Variants in PALS1 observed in about 807,000 individuals in gnomAD.
PALS1 encodes protein PALS1.
A neutral mutation model predicts 78.9 loss-of-function variants in PALS1; 31 were observed. That is an observed-to-expected ratio of 0.39 (90% CI 0.30 to 0.53). PALS1 has a LOEUF of 0.53. PALS1 is among the 20% of genes least tolerant of loss of function. The pLI, the probability that PALS1 is intolerant of heterozygous loss-of-function variation, is 0.67. For synonymous variants in PALS1, 276 were observed against 270.9 expected (o/e 1.02, Z -0.18); for missense variants, 704 against 826.5 (o/e 0.85, Z 1.82).
chr14:67,301,936 CTGT>C, intron 5 of PALS1, 33 bp from the exon 6 acceptor site: 1 of 1,569,468 alleles, frequency 6.4e-7, no homozygotes, highest in Non-Finnish European at 8.6e-7. Flanking sequence ...ATAAATCATG[CTGT>C]TACTTAAAAT....
intron 1 of PALS1, among the ~76,000 whole-genome samples, chr14:67,248,937 G>T (rs1039503449): frequency 1.3e-4 from 19 of 151,984 alleles, no homozygotes; most frequent in African/African-American, 4.6e-4. Flanking sequence ...TGGGATTACA[G>T]GCATGAGCCA....
chr14:67,329,858 A>G (rs2085418741), intron 14 of PALS1, among the ~76,000 whole-genome samples: 1 of 150,480 alleles, frequency 6.6e-6, no homozygotes, highest in African/African-American at 2.4e-5. Flanking sequence ...AAATAAATAA[A>G]TAAATAAATA....
At chr14:67,289,230 A>G (rs1227003729) in intron 3 of PALS1, among the ~76,000 whole-genome samples, 2 of 151,976 alleles carry the variant, frequency 1.3e-5, no homozygotes, top group Non-Finnish European at 2.9e-5. Context: ...AGCCTCCCAA[A>G]GTGCTGGGAT....
intron 14 of PALS1, among the ~76,000 whole-genome samples, chr14:67,327,100 G>A (rs1471545784): frequency 5.3e-5 from 8 of 152,130 alleles, no homozygotes; most frequent in Admixed American, 2.6e-4. Flanking sequence ...ACTTGAACCC[G>A]GGAGGTGGAG....
chr14:67,306,996 T>C (rs2085014664), intron 8 of PALS1, among the ~76,000 whole-genome samples: 1 of 152,214 alleles, frequency 6.6e-6, no homozygotes, highest in South Asian at 2.1e-4. Context: ...AAAATAAGTG[T>C]TATCTGAAAC....
At chr14:67,246,841 G>A (rs868338567) in intron 1 of PALS1, among the ~76,000 whole-genome samples, 13 of 151,894 alleles carry the variant, frequency 8.6e-5, no homozygotes, top group Admixed American at 2.6e-4. Context: ...TAGTAGAGGC[G>A]GGGTTTCACC....
In PALS1 at chr14:67,279,827, C is replaced by G. The variant is rs539658592; in HGVS notation, c.367+290C>G. 8 of 328,066 alleles carry G rather than the reference C, an allele frequency of 2.4e-5. No homozygotes were observed. In the Admixed American group the frequency reaches 3.9e-4, roughly 16 times the overall value. The allele number at this position is 328,066 out of a possible 1,614,324, so 20.3% of individuals were successfully genotyped here. On this transcript the variant is annotated intron_variant, in intron 3 of 14. Transcript: ENST00000261681. ...AAGCCTTGAAATTTACCTTTTATAT[C>G]AAACCACAAACTTTATGCAAAATAC...
chr14:67,327,796 A>T (rs986905173), intron 14 of PALS1, among the ~76,000 whole-genome samples: 1 of 152,160 alleles, frequency 6.6e-6, no homozygotes, highest in Non-Finnish European at 1.5e-5. Context: ...AGCTTCATCC[A>T]TGTCCCTACA....
In PALS1 at chr14:67,303,620, C is replaced by A. The variant is rs758311394; in HGVS notation, c.1041+21C>A. 7 of 1,569,756 alleles carry A rather than the reference C, an allele frequency of 4.5e-6. No individual in the cohort carries two copies. The African/African-American group carries it at 8.1e-5, about 18-fold the overall frequency. ...CAGTAGTAAGTGATTTTTAAATGTT[C>A]ATTATTTATGTGTTTGTGGATGCTG... On this transcript the variant is annotated intron_variant, in intron 8 of 14. Transcript: ENST00000261681.
chr14:67,296,953 C>A (rs2140861721), intron 4 of PALS1, among the ~76,000 whole-genome samples: 1 of 152,228 alleles, frequency 6.6e-6, no homozygotes, highest in Admixed American at 6.5e-5. Flanking sequence ...CAGCACCTGG[C>A]CTCCTATGAT....
intron 14 of PALS1, among the ~76,000 whole-genome samples, chr14:67,331,681 A>C (rs769162459): frequency 3.9e-5 from 6 of 152,228 alleles, no homozygotes; most frequent in Non-Finnish European, 8.8e-5. Context: ...ATTTTGGCAC[A>C]AAATGGAATA....
intron 1 of PALS1, among the ~76,000 whole-genome samples, chr14:67,243,413 C>G (rs1192658340): frequency 6.6e-6 from 1 of 151,522 alleles, no homozygotes; most frequent in Non-Finnish European, 1.5e-5. Context: ...GCCTCGAACT[C>G]CTGACCTCAG....
At chr14:67,315,497 T>C (rs993730674) in intron 9 of PALS1, among the ~76,000 whole-genome samples, 4 of 152,090 alleles carry the variant, frequency 2.6e-5, no homozygotes, top group Non-Finnish European at 4.4e-5. Context: ...AGGATGGTCT[T>C]GATCTCCTGA....
At chr14:67,275,100 A>G (rs1477306524) in intron 2 of PALS1, among the ~76,000 whole-genome samples, 1 of 152,194 alleles carries the variant, frequency 6.6e-6, no homozygotes, top group Admixed American at 6.5e-5. Flanking sequence ...TCCTAATTGA[A>G]TACCCTTTAT....
chr14:67,318,129 C>T (rs1595612442), intron 11 of PALS1, among the ~76,000 whole-genome samples: 1 of 152,158 alleles, frequency 6.6e-6, no homozygotes. Flanking sequence ...GAGTTTGCTA[C>T]TTCTGTTTGG....
At chr14:67,250,213 G>A (rs536462777) in intron 1 of PALS1, among the ~76,000 whole-genome samples, 74 of 152,054 alleles carry the variant, frequency 4.9e-4, no homozygotes, top group Non-Finnish European at 1.0e-3. Context: ...CTCCAGGAAC[G>A]TTCCATACCC....
chr14:67,253,649 C>T (rs554554839), intron 1 of PALS1, among the ~76,000 whole-genome samples: 5 of 152,092 alleles, frequency 3.3e-5, no homozygotes, highest in African/African-American at 9.6e-5. Flanking sequence ...GTTCCAGACC[C>T]GCCTAGACAA....
chr14:67,256,248 T>C (rs1240228461), intron 1 of PALS1, among the ~76,000 whole-genome samples: 1 of 144,574 alleles, frequency 6.9e-6, no homozygotes, highest in African/African-American at 2.5e-5. Flanking sequence ...TTTATAAACA[T>C]CTTCTATGTA....
intron 6 of PALS1, 49 bp from the exon 7 acceptor site, chr14:67,302,361 A>C: frequency 7.8e-7 from 1 of 1,280,556 alleles, no homozygotes. Context: ...AATGCTTAAC[A>C]AAAATTGTAT....
Sources: gnomAD v4.1 joint callset for allele counts (sites outside exome capture counted in the v4.1 genomes callset) on GRCh38, gnomAD v4.1.1 for gene constraint, MANE v1.5 for transcripts, NCBI Gene and HGNC (gene_info 2026-07-23, HGNC 2026-07-21) for gene names.